BACH2: variants seen among roughly 807,000 people sequenced by gnomAD.
The protein encoded by BACH2 is BACH transcriptional regulator 2.
BACH2 carries 5 observed loss-of-function variants against 61.8 expected under a neutral mutation model. That is an observed-to-expected ratio of 0.08 (90% CI 0.04 to 0.17). The LOEUF (loss-of-function observed/expected upper bound fraction) is 0.17. Among genes scored for constraint, BACH2 ranks in the 10% least tolerant of loss-of-function variants. The pLI is 1.00. For synonymous variants in BACH2, 446 were observed against 440.1 expected, an observed-to-expected ratio of 1.01 and a Z score of -0.17; for missense variants, 824 against 1,091.1, an observed-to-expected ratio of 0.76 and a Z score of 3.45.
At chr6:90,133,950 A>T (rs553047793) in intron 4 of BACH2, among the ~76,000 whole-genome samples, 40 of 152,336 alleles carry the variant, frequency 2.6e-4, no homozygotes, top group African/African-American at 9.4e-4. Context: ...ACTGTTGGAC[A>T]TTTGGGTTGG....
At chr6:90,077,965 C>G (rs956969009) in intron 5 of BACH2, among the ~76,000 whole-genome samples, 2 of 152,054 alleles carry the variant, frequency 1.3e-5, no homozygotes, top group Non-Finnish European at 2.9e-5. Flanking sequence ...CTTTATAATG[C>G]AAAACTTTGG....
chr6:89,987,043 C>A (rs1165606174), intron 6 of BACH2, among the ~76,000 whole-genome samples: 2 of 152,284 alleles, frequency 1.3e-5, no homozygotes, highest in East Asian at 3.9e-4. Flanking sequence ...CTCTGTCACA[C>A]TTAACTTGTC....
chr6:90,112,664 G>A (rs1184836830), intron 4 of BACH2, among the ~76,000 whole-genome samples: 1 of 152,080 alleles, frequency 6.6e-6, no homozygotes, highest in Admixed American at 6.6e-5. Flanking sequence ...TAAACACACA[G>A]ACCAGTGTTA....
chr6:89,949,749 A>G (rs1220606141), intron 7 of BACH2, among the ~76,000 whole-genome samples: 4 of 152,154 alleles, frequency 2.6e-5, no homozygotes, highest in Admixed American at 2.0e-4. Flanking sequence ...CATCACCTTC[A>G]CTGTGATGGA....
In BACH2 at chr6:90,103,029, A is replaced by ATATATTTTTTTTTTTTTTT; in HGVS notation, c.-161-13921_-161-13920insAAAAAAAAAAAAAAATATA. ...TACATATATATATATATATATATATATTTTTTTTTTTTTTTTTTTTTTACC... is the reference window on the plus strand; with the variant it reads ...TACATATATATATATATATATATATATATATTTTTTTTTTTTTTTTTTTTTTTTTTTTTTTTTTTTTACC... On this transcript the variant is annotated intron_variant, in intron 4 of 8. Coordinates refer to ENST00000257749, the MANE Select transcript of BACH2 (RefSeq NM_021813.4). Among the ~76,000 whole-genome samples, 4 of 21,162 alleles carry ATATATTTTTTTTTTTTTTT rather than the reference A, an allele frequency of 1.9e-4. 1 individual carries two copies. Among genetic ancestry groups the ATATATTTTTTTTTTTTTTT allele is most frequent in the African/African-American group, 7.2e-4 (3 of 4,140 alleles). The allele number at this position is 21,162 out of a possible 152,430, so 13.9% of individuals were successfully genotyped here.
intron 4 of BACH2, among the ~76,000 whole-genome samples, chr6:90,141,267 A>C (rs941526668): frequency 6.6e-6 from 1 of 151,738 alleles, no homozygotes; most frequent in Non-Finnish European, 1.5e-5. Flanking sequence ...TGCAACCTCC[A>C]CCTCCTGGGT....
chr6:90,065,184 G>A (rs1021440636), intron 5 of BACH2, among the ~76,000 whole-genome samples: 2 of 147,728 alleles, frequency 1.4e-5, no homozygotes, highest in African/African-American at 4.9e-5. Context: ...TGGACAGGTT[G>A]AATATGAAAT....
At chr6:90,086,918 G>A (rs1461471818) in intron 5 of BACH2, among the ~76,000 whole-genome samples, 2 of 152,160 alleles carry the variant, frequency 1.3e-5, no homozygotes, top group Non-Finnish European at 1.5e-5. Flanking sequence ...TGAGGGTGGA[G>A]TAATAATAAT....
intron 4 of BACH2, among the ~76,000 whole-genome samples, chr6:90,125,880 C>T (rs1047037988): frequency 1.3e-5 from 2 of 152,236 alleles, no homozygotes; most frequent in Non-Finnish European, 2.9e-5. Context: ...CCCACCTCAT[C>T]CACCCCTGCC....
intron 4 of BACH2, among the ~76,000 whole-genome samples, chr6:90,125,894 C>A (rs1032770442): frequency 9.2e-5 from 14 of 152,230 alleles, no homozygotes; most frequent in African/African-American, 3.1e-4. Flanking sequence ...CCCTGCCACC[C>A]TCTAGTTGCT....
chr6:90,035,386 G>A (rs943126592), intron 5 of BACH2, among the ~76,000 whole-genome samples: 1 of 152,124 alleles, frequency 6.6e-6, no homozygotes, highest in African/African-American at 2.4e-5. Flanking sequence ...ATGAGCCCAA[G>A]TGAACTAAAC....
At chr6:90,045,289 C>T (rs185107904) in intron 5 of BACH2, among the ~76,000 whole-genome samples, 2 of 152,322 alleles carry the variant, frequency 1.3e-5, no homozygotes, top group East Asian at 3.9e-4. Context: ...CACTGCTTGG[C>T]TTGTGTGCAA....
At chr6:89,937,164 G>A (rs768852406) in intron 8 of BACH2, among the ~76,000 whole-genome samples, 2 of 152,082 alleles carry the variant, frequency 1.3e-5, no homozygotes, top group Non-Finnish European at 2.9e-5. Flanking sequence ...CAGGGATGGC[G>A]ATGACAGCCA....
intron 4 of BACH2, among the ~76,000 whole-genome samples, chr6:90,121,310 G>A (rs1783613328): frequency 1.3e-5 from 2 of 152,086 alleles, no homozygotes; most frequent in South Asian, 4.1e-4. Flanking sequence ...CAACTAATGA[G>A]AAAACACCCA....
chr6:90,107,978 ACT>A (rs2127814832), intron 4 of BACH2, among the ~76,000 whole-genome samples: 1 of 152,170 alleles, frequency 6.6e-6, no homozygotes, highest in Non-Finnish European at 1.5e-5. Flanking sequence ...CCAAGAGGAA[ACT>A]CTGAATAAAT....
Position 89,972,164 on chromosome 6 carries a change from C to G in BACH2, c.244-20302G>C, listed in dbSNP as rs73494912. Reference sequence around the variant, plus strand: ...CTGGAGAAGGGAGCAAGGGGACGGGCTGGGAAGGTCCTTCCGTGTCCGCCG... The same window carrying G: ...CTGGAGAAGGGAGCAAGGGGACGGGGTGGGAAGGTCCTTCCGTGTCCGCCG... On this transcript the variant is annotated intron_variant, in intron 6 of 8. Coordinates refer to ENST00000257749, the MANE Select transcript of BACH2 (RefSeq NM_021813.4). 8.0e-3 allele frequency among the ~76,000 whole-genome samples: 1,212 copies of G among 152,294 alleles called. 21 individuals carry two copies. The highest frequency in any genetic ancestry group is 0.028 in the African/African-American group (1,162 of 41,566).
chr6:90,003,012 T>A (rs1017063991), intron 6 of BACH2, among the ~76,000 whole-genome samples: 1 of 152,212 alleles, frequency 6.6e-6, no homozygotes, highest in African/African-American at 2.4e-5. Context: ...AACCACCATG[T>A]CACTGCTATC....
chr6:90,177,551 C>A (rs1460223520), intron 4 of BACH2, among the ~76,000 whole-genome samples: 1 of 152,178 alleles, frequency 6.6e-6, no homozygotes, highest in Non-Finnish European at 1.5e-5. Context: ...GGGTCTCTGA[C>A]ACCATTGCCT....
In BACH2 at chr6:90,073,601, G is replaced by A. The variant is rs186700269; in HGVS notation, c.-13+15360C>T. Among the ~76,000 whole-genome samples the A allele has an allele frequency of 7.9e-5, 12 of 152,226 alleles. No individual in the cohort carries two copies. In the East Asian group the frequency reaches 2.1e-3, roughly 27 times the overall value. On this transcript the variant is annotated intron_variant, in intron 5 of 8. Coordinates refer to ENST00000257749, the MANE Select transcript of BACH2 (RefSeq NM_021813.4). Reference sequence around the variant, plus strand: ...TCTCCTCTCCTCCCACTTTTCCTGGGAGGTCACATTTCAAACATCAAAATC... The same window carrying A: ...TCTCCTCTCCTCCCACTTTTCCTGGAAGGTCACATTTCAAACATCAAAATC...
Sources: gnomAD v4.1 joint callset for allele counts (sites outside exome capture counted in the v4.1 genomes callset) on GRCh38, gnomAD v4.1.1 for gene constraint, MANE v1.5 for transcripts, NCBI Gene and HGNC (gene_info 2026-07-23, HGNC 2026-07-21) for gene names.